JCAD: variants seen among roughly 807,000 people sequenced by gnomAD.
JCAD encodes the protein junctional cadherin 5-associated protein.
Under a neutral mutation model 98.0 loss-of-function variants are expected in JCAD, and 40 were observed. The ratio of observed to expected loss-of-function variants is 0.41; its 90% confidence interval spans 0.32 to 0.53. The LOEUF is 0.53. JCAD is among the 20% of genes least tolerant of loss of function. JCAD has a pLI of 0.31. For missense variants in JCAD, 1,705 were observed against 1,738.1 expected (o/e 0.98, Z 0.34); for synonymous variants, 691 against 682.3 (o/e 1.01, Z -0.20).
chr10:30,028,141 A>C lies in JCAD; in HGVS notation c.2007T>G (p.Leu669=). ...RQTNDLSFIH[L]TKHRELKHSG... ...AATGCTTGAGTTCTCTGTGCTTTGT[A>C]AGGTGGATGAAACTGAGGTCATTTG... The change falls in exon 3 of 4, where the codon CTT becomes CTG. Residue 669 remains leucine (L), a synonymous_variant. Transcript: ENST00000375377. The C allele has an allele frequency of 6.2e-7, 1 of 1,614,130 alleles. No homozygotes were observed. Among genetic ancestry groups the C allele is most frequent in the South Asian group, 1.1e-5 (1 of 91,082 alleles).
At position 30,027,600 on chromosome 10, in the gene JCAD, T is replaced by A; in HGVS notation, c.2548A>T (p.Ser850Cys). The A allele has an allele frequency of 6.2e-7, 1 of 1,614,276 alleles. No individual in the cohort carries two copies. The highest frequency in any genetic ancestry group is 1.3e-5 in the African/African-American group (1 of 75,074). Residue 850 changes from serine to cysteine, a missense_variant, in exon 3 of 4, where the codon AGT becomes TGT. Around this residue, in one of 3 missense-constraint regions of JCAD, gnomAD observed 1,278 missense variants for 1,243.1 expected, o/e 1.03. Coordinates refer to ENST00000375377, the MANE Select transcript of JCAD (RefSeq NM_020848.4). Reference protein sequence around the residue: ...KELQEEEESSSSSSSSSSSSE... With the variant: ...KELQEEEESSCSSSSSSSSSE... ...CTGCTGCTGCTGCTGCTGCTGCTAC[T>A]GCTGCTTTCTTCCTCTTCCTGGAGC...
chr10:30,035,501 C>A (rs538545663), intron 2 of JCAD, among the ~76,000 whole-genome samples: 1 of 152,342 alleles, frequency 6.6e-6, no homozygotes, highest in South Asian at 2.1e-4. Flanking sequence ...GCGGACTCCC[C>A]ATGGGGGTCG....
chr10:30,080,614 C>T (rs1466906845), intron 1 of JCAD, among the ~76,000 whole-genome samples: 1 of 152,174 alleles, frequency 6.6e-6, no homozygotes, highest in Non-Finnish European at 1.5e-5. Flanking sequence ...TCACATGCTT[C>T]CTACATTTAA....
At chr10:30,108,984 G>C (rs924755982) in intron 1 of JCAD, among the ~76,000 whole-genome samples, 1 of 152,132 alleles carries the variant, frequency 6.6e-6, no homozygotes, top group Non-Finnish European at 1.5e-5. Context: ...TGGAGTCCTT[G>C]GCCCAACTTG....
chr10:30,078,885 G>A (rs1013369916), intron 1 of JCAD, among the ~76,000 whole-genome samples: 1 of 152,164 alleles, frequency 6.6e-6, no homozygotes, highest in Non-Finnish European at 1.5e-5. Context: ...AAGGTCATGT[G>A]CCACACTGGT....
intron 1 of JCAD, among the ~76,000 whole-genome samples, chr10:30,084,588 T>A (rs1838137200): frequency 6.6e-6 from 1 of 152,196 alleles, no homozygotes; most frequent in Non-Finnish European, 1.5e-5. Context: ...GCCTTTGAAC[T>A]GGGAAGCTGG....
intron 1 of JCAD, among the ~76,000 whole-genome samples, chr10:30,108,722 T>G (rs375405322): frequency 3.3e-5 from 5 of 152,142 alleles, no homozygotes; most frequent in African/African-American, 1.2e-4. Context: ...ACTACATGCT[T>G]CTTCTTTAAG....
At chr10:30,061,555 A>G (rs1039712949), upstream of JCAD, among the ~76,000 whole-genome samples, 3 of 151,838 alleles carry the variant, frequency 2.0e-5, no homozygotes, top group Non-Finnish European at 2.9e-5. Flanking sequence ...AAAAAAAAAA[A>G]AAAGAAAGAA....
chr10:30,017,837 G>A lies in JCAD; in HGVS notation c.*46C>T, dbSNP rs374219802. 386 of 1,567,480 alleles carry A rather than the reference G, an allele frequency of 2.5e-4. 1 individual carries two copies. Among genetic ancestry groups the A allele is most frequent in the Non-Finnish European group, 3.2e-4 (363 of 1,137,484 alleles). On this transcript the variant is annotated 3_prime_UTR_variant, in exon 4 of 4. Coordinates refer to ENST00000375377, the MANE Select transcript of JCAD (RefSeq NM_020848.4). ...GATAGACTAAATCTACCAGCTACTT[G>A]AGAATACTCAATTCGCAACGGAATG...
chr10:30,102,127 T>C (rs1044006368), intron 1 of JCAD, among the ~76,000 whole-genome samples: 1 of 152,214 alleles, frequency 6.6e-6, no homozygotes, highest in Non-Finnish European at 1.5e-5. Flanking sequence ...ATTATTTTAT[T>C]GTGGTAAGAA....
chr10:30,017,683 C>T lies in JCAD; in HGVS notation c.*200G>A, dbSNP rs955499590. 26 of 633,776 alleles carry T rather than the reference C, an allele frequency of 4.1e-5. 1 individual carries two copies. Among genetic ancestry groups the T allele is most frequent in the South Asian group, 1.1e-4 (6 of 53,244 alleles). 39.3% of individuals were successfully genotyped at this position (633,776 alleles called of 1,614,324 possible). A position where few individuals can be genotyped will look rare whatever the true frequency, so the allele number is the denominator to read the frequency against. On this transcript the variant is annotated 3_prime_UTR_variant, in exon 4 of 4. Coordinates refer to ENST00000375377, the MANE Select transcript of JCAD (RefSeq NM_020848.4). ...ATGCTATAAAAACAGATGGTTTCAACGGACGATTGCTTTATCGCCACAAAG... is the reference window on the plus strand; with the variant it reads ...ATGCTATAAAAACAGATGGTTTCAATGGACGATTGCTTTATCGCCACAAAG...
chr10:30,052,458 T>C (rs1837490589), intron 1 of JCAD, among the ~76,000 whole-genome samples: 1 of 152,164 alleles, frequency 6.6e-6, no homozygotes, highest in Non-Finnish European at 1.5e-5. Flanking sequence ...GTACAGCTTG[T>C]GGCCACGACA....
chr10:30,050,314 CAAAAAAA>C (rs61421356), intron 1 of JCAD, among the ~76,000 whole-genome samples: 999 of 41,738 alleles, frequency 0.024, 9 homozygotes, highest in African/African-American at 0.059. Flanking sequence ...GACCCTGTCT[CAAAAAAA>C]AAAAAAAAAA....
At chr10:30,084,942 C>T (rs1426612864) in intron 1 of JCAD, among the ~76,000 whole-genome samples, 1 of 152,130 alleles carries the variant, frequency 6.6e-6, no homozygotes, top group East Asian at 1.9e-4. Flanking sequence ...CAATTATTTG[C>T]ACTCTGGAAA....
At chr10:30,073,387 A>G (rs1186066511) in intron 1 of JCAD, among the ~76,000 whole-genome samples, 1 of 152,218 alleles carries the variant, frequency 6.6e-6, no homozygotes, top group African/African-American at 2.4e-5. Flanking sequence ...CTTACGCTGC[A>G]CACTCCATGA....
chr10:30,047,750 T>C lies in JCAD; in HGVS notation c.63A>G (p.Ala21=), dbSNP rs1300007789. 3.1e-6 allele frequency: 5 copies of C among 1,614,216 alleles called. No individual in the cohort carries two copies. The Admixed American group carries it at 6.7e-5, about 22-fold the overall frequency. ...HGYKLSRDPP[A]SREDNPKGRQ... The stretch of plus-strand genomic sequence containing the variant: ...GCCCCTTGGGGTTATCCTCGCGTGA[T>C]GCTGGGGGGTCTCTTGACAGCTTGT... Residue 21 remains alanine, a synonymous_variant, in exon 2 of 4, where the codon GCA becomes GCG. Coordinates refer to ENST00000375377, the MANE Select transcript of JCAD (RefSeq NM_020848.4).
chr10:30,091,714 ATTTTTTTT>A (rs11307523), intron 1 of JCAD, among the ~76,000 whole-genome samples: 1 of 81,752 alleles, frequency 1.2e-5, no homozygotes, highest in Non-Finnish European at 2.2e-5. Context: ...AAGTTTTTAA[ATTTTTTTT>A]TTTTTTTTTT....
chr10:30,106,787 C>G (rs755794308), intron 1 of JCAD, among the ~76,000 whole-genome samples: 3 of 152,198 alleles, frequency 2.0e-5, no homozygotes, highest in Non-Finnish European at 2.9e-5. Context: ...AGGAGTGAGC[C>G]ACCATGCCTG....
At chr10:30,052,590 C>G (rs1478746545) in intron 1 of JCAD, among the ~76,000 whole-genome samples, 1 of 152,190 alleles carries the variant, frequency 6.6e-6, no homozygotes, top group Non-Finnish European at 1.5e-5. Context: ...AAGGAGTGGG[C>G]TAGGGAAGGC....
Sources: gnomAD v4.1 joint callset for allele counts (sites outside exome capture counted in the v4.1 genomes callset) on GRCh38, gnomAD v4.1.1 for gene constraint, gnomAD v4.1.1 regional missense constraint, MANE v1.5 for transcripts, NCBI Gene and HGNC (gene_info 2026-07-23, HGNC 2026-07-21) for gene names.